The following FMNL2 variants were observed in gnomAD, a reference collection of about 807,000 sequenced individuals.
The protein encoded by FMNL2 is formin-like protein 2.
In FMNL2, 51 loss-of-function variants were observed where a neutral mutation model predicts 130.2. The observed-to-expected ratio is 0.39, with a 90% CI of 0.31 to 0.49. The LOEUF is 0.49. Among genes scored for constraint, FMNL2 ranks in the 20% least tolerant of loss-of-function variants. FMNL2 has a pLI of 0.85. For synonymous variants in FMNL2, 465 were observed against 467.1 expected, an observed-to-expected ratio of 1.00 and a Z score of 0.06; for missense variants, 977 against 1,316.2, an observed-to-expected ratio of 0.74 and a Z score of 3.99.
chr2:152,522,552 G>A (rs1420482009), intron 2 of FMNL2, among the ~76,000 whole-genome samples: 1 of 152,144 alleles, frequency 6.6e-6, no homozygotes, highest in African/African-American at 2.4e-5. Context: ...GGAGGTAATT[G>A]AATTATGGGG....
chr2:152,359,481 C>CTTTTTTTTT lies in FMNL2; in HGVS notation c.117+23766_117+23774dup, dbSNP rs10694393. ...TTGTAGCCGTTATCTAAGAGGTAGC[C>CTTTTTTTTT]TTTTTTTTTTTTTCACATAACAGGT... On this transcript the variant is annotated intron_variant, in intron 1 of 25. Transcript: ENST00000288670. Among the ~76,000 whole-genome samples, 240 of 73,044 alleles carry CTTTTTTTTT rather than the reference C, an allele frequency of 3.3e-3. 3 individuals carry two copies. Among genetic ancestry groups the CTTTTTTTTT allele is most frequent in the African/African-American group, 4.1e-3 (121 of 29,850 alleles). The allele number at this position is 73,044 out of a possible 152,430, so 47.9% of individuals were successfully genotyped here.
chr2:152,607,504 CACAT>C (rs976353693), intron 10 of FMNL2, 91 bp downstream of exon 10: 26 of 772,262 alleles, frequency 3.4e-5, no homozygotes, highest in East Asian at 1.3e-4. Flanking sequence ...CACACACACA[CACAT>C]ATTTATATTA....
intron 2 of FMNL2, among the ~76,000 whole-genome samples, chr2:152,525,091 G>A (rs918057185): frequency 2.0e-5 from 3 of 152,102 alleles, no homozygotes; most frequent in African/African-American, 7.2e-5. Context: ...CAATGCCAAG[G>A]TCACCCAGAT....
At chr2:152,559,662 G>T (rs1227649438) in intron 5 of FMNL2, among the ~76,000 whole-genome samples, 1 of 152,198 alleles carries the variant, frequency 6.6e-6, no homozygotes, top group Admixed American at 6.5e-5. Flanking sequence ...GTGAGGATGA[G>T]CTGAGAGGAA....
At chr2:152,457,369 A>C (rs1689013921) in intron 1 of FMNL2, among the ~76,000 whole-genome samples, 1 of 152,202 alleles carries the variant, frequency 6.6e-6, no homozygotes, top group Non-Finnish European at 1.5e-5. Flanking sequence ...ATTTGCTCTA[A>C]GACTTCCCTT....
rs1323522868 is a variant in FMNL2, at chr2:152,593,858, AGAGT to A, written c.876+12811_876+12814del. 1.5e-3 allele frequency among the ~76,000 whole-genome samples: 150 copies of A among 101,428 alleles called. 1 individual carries two copies. Among genetic ancestry groups the A allele is most frequent in the African/African-American group, 6.2e-3 (143 of 23,032 alleles). The allele number at this position is 101,428 out of a possible 152,430, so 66.5% of individuals were successfully genotyped here. A position where few individuals can be genotyped will look rare whatever the true frequency, so the allele number is the denominator to read the frequency against. On this transcript the variant is annotated intron_variant, in intron 9 of 25. Transcript: ENST00000288670. ...ACTAGGGAGAGAGAGAGAGAGAGAG[AGAGT>A]GTGTGTGTGTGTGTGTGTGTGTGTG...
intron 1 of FMNL2, chr2:152,390,747 G>A: frequency 1.6e-6 from 1 of 643,920 alleles, no homozygotes; most frequent in Non-Finnish European, 2.8e-6. Flanking sequence ...GCATGGGACT[G>A]GCCTAGACAC....
At chr2:152,377,935 C>A (rs573590486) in intron 1 of FMNL2, among the ~76,000 whole-genome samples, 94 of 151,802 alleles carry the variant, frequency 6.2e-4, no homozygotes, top group African/African-American at 2.2e-3. Context: ...AGTTCAAGAC[C>A]ACCCTGCCTC....
intron 1 of FMNL2, among the ~76,000 whole-genome samples, chr2:152,351,919 T>C (rs980928832): frequency 6.6e-6 from 1 of 152,208 alleles, no homozygotes; most frequent in Non-Finnish European, 1.5e-5. Flanking sequence ...TATCTCATCG[T>C]GGTTTTGATT....
At chr2:152,392,734 A>G (rs1044704331) in intron 1 of FMNL2, among the ~76,000 whole-genome samples, 15 of 152,134 alleles carry the variant, frequency 9.9e-5, no homozygotes, top group Admixed American at 3.3e-4. Context: ...TTTGGAAGGG[A>G]CACATTCAAA....
At chr2:152,367,692 C>T (rs10195727) in intron 1 of FMNL2, among the ~76,000 whole-genome samples, 1 of 152,132 alleles carries the variant, frequency 6.6e-6, no homozygotes, top group African/African-American at 2.4e-5. Flanking sequence ...AGGAAGCTGA[C>T]TGAGCACGTA....
intron 4 of FMNL2, among the ~76,000 whole-genome samples, chr2:152,550,725 T>C (rs958707002): frequency 6.6e-6 from 1 of 152,224 alleles, no homozygotes; most frequent in African/African-American, 2.4e-5. Flanking sequence ...TTAAATACTT[T>C]CTAATATTTA....
At chr2:152,466,462 T>TTA (rs1470394548) in intron 1 of FMNL2, among the ~76,000 whole-genome samples, 1 of 145,082 alleles carries the variant, frequency 6.9e-6, no homozygotes, top group Non-Finnish European at 1.5e-5. Context: ...CCTTAACCAC[T>TTA]TATAGCCCCC....
chr2:152,628,706 A>T (rs1441246894), intron 18 of FMNL2, among the ~76,000 whole-genome samples, 173 bp downstream of exon 18: 1 of 152,242 alleles, frequency 6.6e-6, no homozygotes, highest in African/African-American at 2.4e-5. Context: ...TATGCAAAGT[A>T]AATTTGAAAA....
chr2:152,599,010 G>A (rs978228940), intron 9 of FMNL2, among the ~76,000 whole-genome samples: 1 of 152,206 alleles, frequency 6.6e-6, no homozygotes, highest in African/African-American at 2.4e-5. Flanking sequence ...GAGCTCCATT[G>A]TCCAAGGGCA....
chr2:152,522,426 A>T (rs1693144249), intron 2 of FMNL2, among the ~76,000 whole-genome samples: 1 of 152,140 alleles, frequency 6.6e-6, no homozygotes, highest in African/African-American at 2.4e-5. Flanking sequence ...TACTGTTTTT[A>T]TTTTCAACTT....
chr2:152,416,572 T>C (rs1046275857), intron 1 of FMNL2, among the ~76,000 whole-genome samples: 3 of 152,212 alleles, frequency 2.0e-5, no homozygotes, highest in Non-Finnish European at 4.4e-5. Flanking sequence ...GAATCAAATA[T>C]GTTACTTCTT....
intron 21 of FMNL2, among the ~76,000 whole-genome samples, chr2:152,632,453 C>T (rs1033767775): frequency 1.3e-5 from 2 of 152,198 alleles, no homozygotes; most frequent in Non-Finnish European, 2.9e-5. Context: ...ATCTGAGAAT[C>T]ATCACCCAAC....
intron 1 of FMNL2, among the ~76,000 whole-genome samples, chr2:152,447,505 G>T (rs1478503934): frequency 6.6e-6 from 1 of 152,180 alleles, no homozygotes; most frequent in African/African-American, 2.4e-5. Flanking sequence ...AGGAAGCAAA[G>T]AAGTGGTTTT....
Sources: gnomAD v4.1 joint callset for allele counts (sites outside exome capture counted in the v4.1 genomes callset) on GRCh38, gnomAD v4.1.1 for gene constraint, MANE v1.5 for transcripts, NCBI Gene and HGNC (gene_info 2026-07-23, HGNC 2026-07-21) for gene names.